Variants in ROCK1 observed in about 807,000 individuals in gnomAD.
ROCK1 encodes the protein Rho associated coiled-coil containing protein kinase 1, also known as rho-associated protein kinase 1.
A neutral mutation model predicts 196.8 loss-of-function variants in ROCK1; 36 were observed. The ratio of observed to expected loss-of-function variants is 0.18; its 90% CI spans 0.14 to 0.24. The LOEUF (loss-of-function observed/expected upper bound fraction) is 0.24. ROCK1 is among the 10% of genes least tolerant of loss of function. The pLI, the probability that ROCK1 is intolerant of heterozygous loss-of-function variation, is 1.00. For synonymous variants in ROCK1, 443 were observed against 515.9 expected (o/e 0.86, Z 1.91); for missense variants, 920 against 1,562.0 (o/e 0.59, Z 6.93).
intron 10 of ROCK1, among the ~76,000 whole-genome samples, chr18:21,025,699 G>A (rs2035949749): frequency 6.6e-6 from 1 of 152,120 alleles, no homozygotes; most frequent in African/African-American, 2.4e-5. Context: ...TCACACCACC[G>A]CACTCCAGCC....
rs1299136519 is a variant in ROCK1 at position 20,950,258 on chromosome 18, TA to T, written c.*1125del. ...ACCTTCTACATTTTTTGCAGTTTTA[TA>T]AAGTCATTATTGTAGCAGGTAGTTT... On this transcript the variant is annotated 3_prime_UTR_variant, in exon 33 of 33. Coordinates refer to ENST00000399799, the MANE Select transcript of ROCK1 (RefSeq NM_005406.3). 3 of 152,356 alleles carry T rather than the reference TA, an allele frequency of 2.0e-5. No homozygotes were observed. The highest frequency in any genetic ancestry group is 7.2e-5 in the African/African-American group (3 of 41,462). The allele number at this position is 152,356 out of a possible 1,614,324, so 9.4% of individuals were successfully genotyped here. A position where few individuals can be genotyped will look rare whatever the true frequency, so the allele number is the denominator to read the frequency against.
chr18:21,049,063 G>A, intron 4 of ROCK1, 29 bp downstream of exon 4: 1 of 1,540,868 alleles, frequency 6.5e-7, no homozygotes, highest in South Asian at 1.3e-5. Flanking sequence ...AACTAATGCA[G>A]CAATAATGAA....
chr18:20,967,446 G>A (rs1213316841), intron 26 of ROCK1, among the ~76,000 whole-genome samples: 1 of 152,044 alleles, frequency 6.6e-6, no homozygotes, highest in Non-Finnish European at 1.5e-5. Context: ...CTAAGTGCCC[G>A]AGACCAGGTT....
chr18:20,969,047 C>T, intron 24 of ROCK1, 68 bp downstream of exon 24: 1 of 1,090,944 alleles, frequency 9.2e-7, no homozygotes, highest in Non-Finnish European at 1.4e-6. Flanking sequence ...AGAAACCTAA[C>T]ACAACATAGG....
In ROCK1 at chr18:20,947,187, T is replaced by C. The variant is rs2035136789; in HGVS notation, c.*4197A>G. On this transcript the variant is annotated 3_prime_UTR_variant, in exon 33 of 33. Coordinates refer to ENST00000399799, the MANE Select transcript of ROCK1 (RefSeq NM_005406.3). The stretch of plus-strand genomic sequence containing the variant: ...ATCTCTTTGTATGTTAGACTTTCAA[T>C]ATGTGAAGTGGAATTAATGTTATTC... 1 of 152,148 alleles carries C rather than the reference T, an allele frequency of 6.6e-6. No individual in the cohort carries two copies. The highest frequency in any genetic ancestry group is 1.5e-5 in the Non-Finnish European group (1 of 68,034). The allele number at this position is 152,148 out of a possible 1,614,324, so 9.4% of individuals were successfully genotyped here. A position where few individuals can be genotyped will look rare whatever the true frequency, so the allele number is the denominator to read the frequency against.
intron 12 of ROCK1, among the ~76,000 whole-genome samples, chr18:21,017,016 C>T (rs985198734): frequency 1.3e-5 from 2 of 151,940 alleles, no homozygotes; most frequent in Admixed American, 1.3e-4. Flanking sequence ...TTCACAGATA[C>T]TCACCTCCTG....
intron 12 of ROCK1, among the ~76,000 whole-genome samples, chr18:21,017,563 C>T (rs760047733): frequency 1.2e-4 from 18 of 152,160 alleles, no homozygotes; most frequent in East Asian, 3.9e-4. Flanking sequence ...GGGGCCATGT[C>T]GTGATTTATT....
chr18:20,984,985 A>T (rs1486057735), intron 19 of ROCK1, among the ~76,000 whole-genome samples: 1 of 151,318 alleles, frequency 6.6e-6, no homozygotes, highest in African/African-American at 2.4e-5. Flanking sequence ...ATGGTGGTAC[A>T]CTCCTGTAGT....
At chr18:20,959,086 T>TTTATATAATATATATATA (rs2035290124) in intron 29 of ROCK1, among the ~76,000 whole-genome samples, 5 of 29,804 alleles carry the variant, frequency 1.7e-4, no homozygotes, top group Non-Finnish European at 2.4e-4. Flanking sequence ...ATATATATAT[T>TTTATATAATATATATATA]TTATATAATA....
At chr18:21,085,141 G>C (rs1350168136) in intron 1 of ROCK1, among the ~76,000 whole-genome samples, 1 of 152,068 alleles carries the variant, frequency 6.6e-6, no homozygotes, top group African/African-American at 2.4e-5. Flanking sequence ...GAGTTTGTTT[G>C]AGACAGATGA....
In ROCK1 at chr18:20,954,766, T is replaced by C. The variant is rs993843809; in HGVS notation, c.3853+17A>G. The C allele has an allele frequency of 1.6e-5, 25 of 1,560,656 alleles. No homozygotes were observed. Among genetic ancestry groups the C allele is most frequent in the Non-Finnish European group, 2.0e-5 (23 of 1,157,028 alleles). ...TTAAATTTGTTATAAGTTGTAACAA[T>C]AATTACCATGCCTTACCTTTACATG... is the stretch of plus-strand genomic sequence containing the variant. On this transcript the variant is annotated intron_variant, in intron 31 of 32. Coordinates refer to ENST00000399799, the MANE Select transcript of ROCK1 (RefSeq NM_005406.3).
chr18:21,008,376 A>G (rs181832522), intron 13 of ROCK1, among the ~76,000 whole-genome samples, 182 bp from the exon 14 acceptor site: 1 of 152,292 alleles, frequency 6.6e-6, no homozygotes, highest in East Asian at 1.9e-4. Context: ...TTGCCTTTTA[A>G]GAAGACAGTG....
Position 20,970,518 on chromosome 18 carries a change from A to C in ROCK1, c.2655-5T>G. On this transcript the variant is annotated splice_region_variant and splice_polypyrimidine_tract_variant and intron_variant, in intron 22 of 32. Coordinates refer to ENST00000399799, the MANE Select transcript of ROCK1 (RefSeq NM_005406.3). ...AACTGAGTAGCAAGAGTTTCTCTGC[A>C]ACAATTTTTTAAGAGAAACTGATGT... The C allele has an allele frequency of 6.3e-7, 1 of 1,585,412 alleles. No individual in the cohort carries two copies. Among genetic ancestry groups the C allele is most frequent in the Non-Finnish European group, 8.6e-7 (1 of 1,161,790 alleles).
At chr18:20,963,605 T>A (rs1312523018) in intron 27 of ROCK1, among the ~76,000 whole-genome samples, 1 of 152,056 alleles carries the variant, frequency 6.6e-6, no homozygotes, top group Non-Finnish European at 1.5e-5. Flanking sequence ...AAATAATCCA[T>A]AAGAGATAAT....
chr18:21,005,127 A>G (rs2035757726), intron 16 of ROCK1, among the ~76,000 whole-genome samples: 2 of 152,252 alleles, frequency 1.3e-5, no homozygotes, highest in Admixed American at 1.3e-4. Flanking sequence ...TGCTGCTGCT[A>G]ACAGGAATAG....
chr18:20,951,356 C>G lies in ROCK1; in HGVS notation c.*28G>C. 2 of 1,599,222 alleles carry G rather than the reference C, an allele frequency of 1.3e-6. No individual in the cohort carries two copies. Among genetic ancestry groups the G allele is most frequent in the Non-Finnish European group, 1.7e-6 (2 of 1,171,882 alleles). ...CTGGTTTATCAGGTAGCATCCCACA[C>G]GATTCCACAGGGCACTCAGTCACAT... On this transcript the variant is annotated 3_prime_UTR_variant, in exon 33 of 33. Transcript: ENST00000399799.
Position 20,960,220 on chromosome 18 carries a change from A to C in ROCK1, c.3353-14T>G. 2 of 1,456,300 alleles carry C rather than the reference A, an allele frequency of 1.4e-6. No individual in the cohort carries two copies. Among genetic ancestry groups the C allele is most frequent in the Non-Finnish European group, 1.9e-6 (2 of 1,036,580 alleles). The allele number at this position is 1,456,300 out of a possible 1,614,324, so 90.2% of individuals were successfully genotyped here. On this transcript the variant is annotated splice_polypyrimidine_tract_variant and intron_variant, in intron 27 of 32. Coordinates refer to ENST00000399799, the MANE Select transcript of ROCK1 (RefSeq NM_005406.3). ...CAATTCTTGACTCTAGGAGAAAAAGAATATATGTATTAGTCAGTCTTAAAT... is the reference window on the plus strand; with the variant it reads ...CAATTCTTGACTCTAGGAGAAAAAGCATATATGTATTAGTCAGTCTTAAAT...
At chr18:21,039,326 T>C in intron 9 of ROCK1, 146 bp downstream of exon 9, 1 of 613,506 alleles carries the variant, frequency 1.6e-6, no homozygotes, top group East Asian at 2.8e-5. Context: ...TATTATCAAA[T>C]TAATAGGTTA....
intron 9 of ROCK1, among the ~76,000 whole-genome samples, chr18:21,029,902 T>C (rs534242818): frequency 6.6e-6 from 1 of 152,226 alleles, no homozygotes; most frequent in African/African-American, 2.4e-5. Flanking sequence ...ACTAAAAAAT[T>C]ATTTTAGGTA....
Sources: allele counts gnomAD v4.1 joint callset (sites outside exome capture counted in the v4.1 genomes callset), GRCh38; gene constraint gnomAD v4.1.1; transcripts MANE v1.5; gene names NCBI Gene and HGNC (gene_info 2026-07-23, HGNC 2026-07-21).